Variants in RALYL observed in about 807,000 individuals in gnomAD.
RALYL encodes the protein RNA-binding Raly-like protein.
In RALYL, 29 loss-of-function variants were observed where a neutral mutation model predicts 35.1. The observed-to-expected ratio is 0.83, with a 90% CI of 0.61 to 1.13. The LOEUF is 1.13. Among genes scored for constraint, RALYL ranks in the 50% most tolerant of loss-of-function variants. The pLI, the probability that RALYL is intolerant of heterozygous loss-of-function variation, is 0.00. For missense variants in RALYL, 359 were observed against 360.4 expected (o/e 1.00, Z 0.03); for synonymous variants, 120 against 127.6 (o/e 0.94, Z 0.40).
intron 4 of RALYL, among the ~76,000 whole-genome samples, chr8:84,843,209 T>A (rs1833826129): frequency 6.6e-6 from 1 of 152,184 alleles, no homozygotes; most frequent in Admixed American, 6.5e-5. Context: ...ATTGTATATC[T>A]AGAAAACCCC....
chr8:84,367,319 T>TTTGTTTTTG lies in RALYL; in HGVS notation c.-23-161978_-23-161977insGTTTTTGTT, dbSNP rs1563799936. On this transcript the variant is annotated intron_variant, in intron 1 of 8. Coordinates refer to ENST00000521268, the MANE Select transcript of RALYL (RefSeq NM_173848.7). ...CCATCCTGCCCAACTAATTTTTGTATTTTTTTTTTTTTTTTTTTTTTTTTT... is the reference window on the plus strand; with the variant it reads ...CCATCCTGCCCAACTAATTTTTGTATTTGTTTTTGTTTTTTTTTTTTTTTTTTTTTTTTT... 7.5e-5 allele frequency among the ~76,000 whole-genome samples: 5 copies of TTTGTTTTTG among 66,336 alleles called. 1 individual carries two copies. The highest frequency in any genetic ancestry group is 1.7e-4 in the Admixed American group (1 of 5,814). The allele number at this position is 66,336 out of a possible 152,430, so 43.5% of individuals were successfully genotyped here.
intron 1 of RALYL, among the ~76,000 whole-genome samples, chr8:84,309,782 G>C (rs1420106346): frequency 6.6e-6 from 1 of 152,128 alleles, no homozygotes; most frequent in African/African-American, 2.4e-5. Flanking sequence ...AGAGCTAAGT[G>C]GGTGTTTGTT....
At chr8:84,218,455 G>C (rs1978826) in intron 1 of RALYL, among the ~76,000 whole-genome samples, 5,097 of 152,074 alleles carry the variant, frequency 0.034, 291 homozygotes, top group African/African-American at 0.11. Context: ...GCAAAATATG[G>C]CCTGTGTTCA....
chr8:84,802,041 C>T (rs955554626), intron 3 of RALYL, among the ~76,000 whole-genome samples: 1 of 152,122 alleles, frequency 6.6e-6, no homozygotes, highest in Non-Finnish European at 1.5e-5. Context: ...CACACACTGG[C>T]ATACTTTTTC....
At chr8:84,291,172 A>G (rs925656066) in intron 1 of RALYL, among the ~76,000 whole-genome samples, 1 of 152,194 alleles carries the variant, frequency 6.6e-6, no homozygotes, top group African/African-American at 2.4e-5. Flanking sequence ...GAAGTAAGGG[A>G]AAAGAGGACG....
At chr8:84,840,192 C>T (rs554041696) in intron 4 of RALYL, among the ~76,000 whole-genome samples, 2 of 148,990 alleles carry the variant, frequency 1.3e-5, no homozygotes, top group Non-Finnish European at 3.0e-5. Flanking sequence ...GAAGTTTGAA[C>T]CCATGGCAAA....
At chr8:84,471,948 ATACT>A (rs1383339939) in intron 1 of RALYL, among the ~76,000 whole-genome samples, 2 of 152,242 alleles carry the variant, frequency 1.3e-5, no homozygotes, top group African/African-American at 4.8e-5. Flanking sequence ...ACTTTGGACA[ATACT>A]TACACATAGA....
chr8:84,637,340 A>AAGT (rs372941927), intron 2 of RALYL, among the ~76,000 whole-genome samples: 84 of 151,808 alleles, frequency 5.5e-4, no homozygotes, highest in African/African-American at 1.5e-3. Flanking sequence ...ATAGTAGAGG[A>AAGT]AGTAGTAGTA....
chr8:84,310,797 C>T (rs1406302254), intron 1 of RALYL, among the ~76,000 whole-genome samples: 2 of 137,510 alleles, frequency 1.5e-5, no homozygotes, highest in African/African-American at 5.8e-5. Flanking sequence ...CCTGTAATCC[C>T]AGCACTTTGG....
intron 4 of RALYL, among the ~76,000 whole-genome samples, chr8:84,827,202 T>C (rs752056082): frequency 9.9e-5 from 15 of 152,212 alleles, no homozygotes; most frequent in Non-Finnish European, 1.6e-4. Flanking sequence ...CTCCAGGGGT[T>C]CAATATCAAG....
In RALYL at chr8:84,256,910, C is replaced by T. The variant is rs376831654; in HGVS notation, c.-24+72486C>T. ...ACTTTACCCACGTTCTTCTGTGTCT[C>T]GCTAATATTATCTATTTTATTATTT... On this transcript the variant is annotated intron_variant, in intron 1 of 8. Coordinates refer to ENST00000521268, the MANE Select transcript of RALYL (RefSeq NM_173848.7). Among the ~76,000 whole-genome samples, 70 of 151,970 alleles carry T rather than the reference C, an allele frequency of 4.6e-4. 1 individual carries two copies. Among genetic ancestry groups the T allele is most frequent in the Middle Eastern group, 3.4e-3 (1 of 294 alleles).
At chr8:84,589,292 C>T (rs1812703149) in intron 2 of RALYL, among the ~76,000 whole-genome samples, 1 of 152,156 alleles carries the variant, frequency 6.6e-6, no homozygotes, top group African/African-American at 2.4e-5. Context: ...AAATCTTAAA[C>T]ATATGGATAG....
At chr8:84,901,266 G>A (rs868843161) in intron 8 of RALYL, among the ~76,000 whole-genome samples, 18 of 152,066 alleles carry the variant, frequency 1.2e-4, no homozygotes, top group Admixed American at 6.5e-4. Flanking sequence ...GAAAAACTCC[G>A]TCTAAAGTTT....
At chr8:84,684,565 A>C (rs902518054) in intron 2 of RALYL, among the ~76,000 whole-genome samples, 1 of 152,228 alleles carries the variant, frequency 6.6e-6, no homozygotes, top group East Asian at 1.9e-4. Flanking sequence ...TGTGGACAAA[A>C]GCATTGATGA....
chr8:84,737,860 T>A (rs140601232), intron 2 of RALYL, among the ~76,000 whole-genome samples: 24 of 151,940 alleles, frequency 1.6e-4, no homozygotes, highest in African/African-American at 5.6e-4. Context: ...GGAAGCATGC[T>A]CTTACCAGAC....
At chr8:84,210,207 C>CAT (rs113195574) in intron 1 of RALYL, among the ~76,000 whole-genome samples, 7,228 of 151,708 alleles carry the variant, frequency 0.048, 569 homozygotes, top group African/African-American at 0.16. Flanking sequence ...AATAAATATG[C>CAT]ATATATATAT....
At chr8:84,369,937 G>A (rs1295670492) in intron 1 of RALYL, among the ~76,000 whole-genome samples, 3 of 152,090 alleles carry the variant, frequency 2.0e-5, no homozygotes, top group Non-Finnish European at 1.5e-5. Context: ...AGACGGATTA[G>A]AGACATTCAG....
rs1413179425 is a variant in RALYL, at chr8:84,240,964, A to G, written c.-24+56540A>G. Among the ~76,000 whole-genome samples the G allele has an allele frequency of 2.0e-5, 3 of 152,158 alleles. No homozygotes were observed. The South Asian group carries it at 6.2e-4, about 32-fold the overall frequency. ...CTACCTCCCTTGGTATTAACAGGGAAAAATTCTATTAAATATTAATTTTAA... is the reference window on the plus strand; with the variant it reads ...CTACCTCCCTTGGTATTAACAGGGAGAAATTCTATTAAATATTAATTTTAA... On this transcript the variant is annotated intron_variant, in intron 1 of 8. Coordinates refer to ENST00000521268, the MANE Select transcript of RALYL (RefSeq NM_173848.7).
At chr8:84,435,722 A>C (rs1182289973) in intron 1 of RALYL, among the ~76,000 whole-genome samples, 1 of 152,092 alleles carries the variant, frequency 6.6e-6, no homozygotes, top group African/African-American at 2.4e-5. Context: ...TCACCAAAGA[A>C]ACTAAGGCCA....
Sources: gnomAD v4.1 joint callset for allele counts (sites outside exome capture counted in the v4.1 genomes callset) on GRCh38, gnomAD v4.1.1 for gene constraint, MANE v1.5 for transcripts, NCBI Gene and HGNC (gene_info 2026-07-23, HGNC 2026-07-21) for gene names.